Variants in SKIC3 observed in about 807,000 individuals in gnomAD.
The protein encoded by SKIC3 is superkiller complex protein 3.
At chr5:95,476,857 T>C in the SKIC3 span, among the ~76,000 whole-genome samples, 1 of 152,126 alleles carries the variant, frequency 6.6e-6, no homozygotes, top group Non-Finnish European at 1.5e-5. Flanking sequence ...TCAAATAGGG[T>C]TATTGTGATT....
the SKIC3 span, among the ~76,000 whole-genome samples, chr5:95,491,850 CAAAT>C: frequency 2.0e-5 from 3 of 152,128 alleles, no homozygotes; most frequent in African/African-American, 2.4e-5. Context: ...CTTAAAAAAA[CAAAT>C]GAATGCTTTT....
chr5:95,463,951 T>C, the SKIC3 span: 4 of 152,384 alleles, frequency 2.6e-5, no homozygotes, highest in African/African-American at 4.8e-5. Flanking sequence ...ATTGAAGGAA[T>C]TGCATGATCA....
chr5:95,546,503 T>C, the SKIC3 span, among the ~76,000 whole-genome samples: 2 of 152,120 alleles, frequency 1.3e-5, no homozygotes, highest in African/African-American at 4.8e-5. Context: ...ACCAAATCTA[T>C]AAGCCCAACA....
chr5:95,507,577 A>G, the SKIC3 span, among the ~76,000 whole-genome samples: 1 of 152,230 alleles, frequency 6.6e-6, no homozygotes, highest in Non-Finnish European at 1.5e-5. Context: ...ACGACTAAAA[A>G]GAGTTGGATA....
chr5:95,531,287 C>A, the SKIC3 span, among the ~76,000 whole-genome samples: 124 of 152,052 alleles, frequency 8.2e-4, no homozygotes, highest in Non-Finnish European at 1.4e-3. Context: ...CAAGTTGGCA[C>A]CAAAAATGAA....
chr5:95,498,657 G>A, the SKIC3 span: 53 of 1,417,234 alleles, frequency 3.7e-5, no homozygotes, highest in South Asian at 5.6e-4. Flanking sequence ...ACGGAGTCTC[G>A]CTCTGTCGCC....
chr5:95,493,934 T>C, the SKIC3 span, among the ~76,000 whole-genome samples: 1,850 of 152,258 alleles, frequency 0.012, 36 homozygotes, highest in African/African-American at 0.041. Flanking sequence ...TCCTCAGTAC[T>C]TTTGTGATCA....
chr5:95,541,178 C>CTGGTCTCGAA, the SKIC3 span: 1 of 814,834 alleles, frequency 1.2e-6, no homozygotes, highest in African/African-American at 1.7e-5. Context: ...GTTGGTCTGG[C>CTGGTCTCGAA]TGGTCTCGAA....
the SKIC3 span, among the ~76,000 whole-genome samples, chr5:95,530,620 G>A: frequency 6.6e-6 from 1 of 152,140 alleles, no homozygotes; most frequent in Admixed American, 6.6e-5. Context: ...CTAGAGACAT[G>A]TTAGTCAGAT....
At chr5:95,502,839 A>C in the SKIC3 span, 2 of 1,608,410 alleles carry the variant, frequency 1.2e-6, no homozygotes, top group Non-Finnish European at 1.7e-6. Flanking sequence ...CAAATATCTA[A>C]GTATCTGGTC....
the SKIC3 span, among the ~76,000 whole-genome samples, chr5:95,500,664 A>G: frequency 6.6e-6 from 1 of 152,192 alleles, no homozygotes; most frequent in Non-Finnish European, 1.5e-5. Context: ...AAGTACATCT[A>G]TCGGTGAAGA....
At chr5:95,490,829 T>C in the SKIC3 span, 2 of 1,575,916 alleles carry the variant, frequency 1.3e-6, no homozygotes, top group Non-Finnish European at 1.7e-6. Flanking sequence ...CAACATATGC[T>C]GAAGCCGTTT....
At chr5:95,543,921 A>G in the SKIC3 span, among the ~76,000 whole-genome samples, 6 of 152,248 alleles carry the variant, frequency 3.9e-5, no homozygotes, top group Non-Finnish European at 8.8e-5. Flanking sequence ...GCTACTTGCT[A>G]AAGGTAAAAT....
chr5:95,481,922 A>C, the SKIC3 span, among the ~76,000 whole-genome samples: 1,624 of 152,316 alleles, frequency 0.011, 26 homozygotes, highest in African/African-American at 0.036. Context: ...AAATATAATA[A>C]ATTGTATAAA....
the SKIC3 span, among the ~76,000 whole-genome samples, chr5:95,506,323 T>C: frequency 6.6e-6 from 1 of 152,196 alleles, no homozygotes; most frequent in Non-Finnish European, 1.5e-5. Context: ...GTTCTAACAG[T>C]GTTTTTCAAA....
At chr5:95,482,133 T>C in the SKIC3 span, among the ~76,000 whole-genome samples, 1 of 152,268 alleles carries the variant, frequency 6.6e-6, no homozygotes, top group Non-Finnish European at 1.5e-5. Context: ...ACTATACATA[T>C]CTCCTGTAAA....
At chr5:95,478,335 G>T in the SKIC3 span, 1 of 1,613,810 alleles carries the variant, frequency 6.2e-7, no homozygotes, top group Admixed American at 1.7e-5. Context: ...ACAGACTTGA[G>T]AGCTTCCCAC....
chr5:95,497,475 G>C, the SKIC3 span: 23 of 1,613,260 alleles, frequency 1.4e-5, no homozygotes, highest in African/African-American at 2.8e-4. Flanking sequence ...CAAAGAGCAG[G>C]GTCACCAGGG....
chr5:95,513,591 T>A, the SKIC3 span: 2 of 1,613,772 alleles, frequency 1.2e-6, no homozygotes, highest in Non-Finnish European at 1.7e-6. Flanking sequence ...AGTTCTGTAG[T>A]GTGCCTGAAG....
Sources: gnomAD v4.1 joint callset for allele counts (sites outside exome capture counted in the v4.1 genomes callset) on GRCh38, gnomAD v4.1.1 for gene constraint, MANE v1.5 for transcripts, NCBI Gene and HGNC (gene_info 2026-07-23, HGNC 2026-07-21) for gene names.